ADAMTS17: variants seen among roughly 807,000 people sequenced by gnomAD.
ADAMTS17 encodes the protein ADAM metallopeptidase with thrombospondin type 1 motif 17.
ADAMTS17 carries 113 observed loss-of-function variants against 141.5 expected under a neutral mutation model. The observed-to-expected ratio is 0.80, with a 90% confidence interval of 0.69 to 0.93. The LOEUF is 0.93. Among genes scored for constraint, ADAMTS17 ranks in the 40% least tolerant of loss-of-function variants. The pLI, the probability that ADAMTS17 is intolerant of heterozygous loss-of-function variation, is 0.00. For missense variants in ADAMTS17, 1,659 were observed against 1,517.9 expected (o/e 1.09, Z -1.54); for synonymous variants, 768 against 630.6 (o/e 1.22, Z -3.27).
At chr15:100,199,562 G>A in intron 7 of ADAMTS17, 139 bp from the exon 8 acceptor site, 1 of 775,114 alleles carries the variant, frequency 1.3e-6, no homozygotes. Context: ...CAGCCCACCT[G>A]GGAAGGGTTT....
chr15:100,218,489 C>T (rs1344259234), intron 7 of ADAMTS17, among the ~76,000 whole-genome samples: 2 of 152,204 alleles, frequency 1.3e-5, no homozygotes, highest in Non-Finnish European at 2.9e-5. Context: ...ATATGTTCAA[C>T]ATCAGCCATT....
chr15:100,214,175 C>T (rs2041896836), intron 7 of ADAMTS17, among the ~76,000 whole-genome samples: 1 of 152,132 alleles, frequency 6.6e-6, no homozygotes, highest in Non-Finnish European at 1.5e-5. Context: ...TTTCCCCAAC[C>T]CCACCGTCTC....
At chr15:100,172,543 G>A (rs545823538) in intron 8 of ADAMTS17, among the ~76,000 whole-genome samples, 25 of 152,186 alleles carry the variant, frequency 1.6e-4, no homozygotes, top group African/African-American at 5.3e-4. Context: ...CACCTCCTCT[G>A]TCCTGATTCA....
intron 12 of ADAMTS17, 142 bp from the exon 13 acceptor site, chr15:100,117,155 C>T (rs1047305019): frequency 6.3e-6 from 6 of 949,360 alleles, no homozygotes; most frequent in Middle Eastern, 3.1e-4. Context: ...CTGTTACAGA[C>T]CAAATGCCCA....
intron 3 of ADAMTS17, among the ~76,000 whole-genome samples, chr15:100,308,451 C>T (rs1012669868): frequency 6.6e-6 from 1 of 152,190 alleles, no homozygotes; most frequent in Non-Finnish European, 1.5e-5. Flanking sequence ...GAGCAAAGTG[C>T]CCACGTCATT....
At chr15:99,976,428 T>C (rs1415647657) in intron 20 of ADAMTS17, 2 of 691,980 alleles carry the variant, frequency 2.9e-6, no homozygotes, top group Admixed American at 2.2e-5. Flanking sequence ...GCTGGGACGA[T>C]GGCCTCACAA....
intron 1 of ADAMTS17, 82 bp downstream of exon 1, chr15:100,341,739 G>C (rs1485202777): frequency 2.7e-6 from 4 of 1,481,368 alleles, no homozygotes; most frequent in Non-Finnish European, 3.6e-6. Flanking sequence ...CGCCGCCCCC[G>C]GGCCGCCAGG....
At chr15:100,060,045 G>A (rs2032993965) in intron 15 of ADAMTS17, among the ~76,000 whole-genome samples, 1 of 152,184 alleles carries the variant, frequency 6.6e-6, no homozygotes. Flanking sequence ...ACTCCATGGG[G>A]CAATTAAAAT....
chr15:100,251,234 C>A (rs2043144232), intron 7 of ADAMTS17, among the ~76,000 whole-genome samples: 1 of 152,166 alleles, frequency 6.6e-6, no homozygotes, highest in Non-Finnish European at 1.5e-5. Flanking sequence ...CCAGTCCCGA[C>A]CATTAAAAGA....
rs780526823 is a variant in ADAMTS17 at position 100,281,354 on chromosome 15, G to A, written c.664C>T (p.Arg222Trp). The stretch of plus-strand genomic sequence containing the variant: ...CTGGTGAGCCGGATAGCGTTCCTCC[G>A]CTCCCGCCAGTCCCGCGAAGGCCTG... ...WGRPSRDWRE[R>W]RNAIRLTSEH... The change falls in exon 4 of 22, where the codon CGG becomes TGG. Residue 222 changes from arginine to tryptophan, a missense_variant. Arg to Trp is a moderately radical substitution (Grantham distance 101). Transcript: ENST00000268070. The A allele has an allele frequency of 9.3e-6, 15 of 1,609,532 alleles. No homozygotes were observed. Among genetic ancestry groups the A allele is most frequent in the African/African-American group, 4.0e-5 (3 of 74,886 alleles).
chr15:100,159,341 G>A (rs77275256), intron 8 of ADAMTS17, among the ~76,000 whole-genome samples: 7,711 of 152,256 alleles, frequency 0.051, 251 homozygotes, highest in South Asian at 0.15. Flanking sequence ...AGGACTTTAT[G>A]TTAGGTGAAA....
intron 6 of ADAMTS17, among the ~76,000 whole-genome samples, chr15:100,256,101 GTTCCA>G (rs1314955015): frequency 1.3e-5 from 2 of 152,226 alleles, no homozygotes; most frequent in Admixed American, 1.3e-4. Flanking sequence ...ACCTGGCTCT[GTTCCA>G]TTCATTATCA....
intron 3 of ADAMTS17, among the ~76,000 whole-genome samples, chr15:100,296,116 G>A (rs762984445): frequency 2.0e-5 from 3 of 152,054 alleles, no homozygotes; most frequent in Non-Finnish European, 2.9e-5. Flanking sequence ...GGGTCAATGT[G>A]GGAAACGTAC....
At chr15:100,110,251 A>G (rs1183101087) in intron 13 of ADAMTS17, among the ~76,000 whole-genome samples, 1 of 144,998 alleles carries the variant, frequency 6.9e-6, no homozygotes, top group Admixed American at 7.0e-5. Context: ...ATATATATAT[A>G]AATACATATA....
At chr15:100,016,673 G>A (rs569942350) in intron 18 of ADAMTS17, among the ~76,000 whole-genome samples, 13 of 152,302 alleles carry the variant, frequency 8.5e-5, no homozygotes, top group African/African-American at 2.9e-4. Flanking sequence ...CCCGGCTCCA[G>A]GATGGTATTG....
At chr15:100,282,954 C>T (rs983648884) in intron 3 of ADAMTS17, among the ~76,000 whole-genome samples, 1 of 152,074 alleles carries the variant, frequency 6.6e-6, no homozygotes, top group Non-Finnish European at 1.5e-5. Flanking sequence ...TACTAAAACA[C>T]CTAGGAAGAA....
At chr15:100,098,809 CTCCAGACT>C (rs1239500624) in intron 14 of ADAMTS17, among the ~76,000 whole-genome samples, 1 of 152,234 alleles carries the variant, frequency 6.6e-6, no homozygotes, top group Non-Finnish European at 1.5e-5. Flanking sequence ...AGTGCATGGT[CTCCAGACT>C]TGCTTCTGCT....
At chr15:100,172,549 A>G in intron 8 of ADAMTS17, among the ~76,000 whole-genome samples, 1 of 152,058 alleles carries the variant, frequency 6.6e-6, no homozygotes. Flanking sequence ...CTCTGTCCTG[A>G]TTCATCCCAG....
At chr15:100,059,006 C>A (rs1448811843) in intron 15 of ADAMTS17, among the ~76,000 whole-genome samples, 3 of 152,130 alleles carry the variant, frequency 2.0e-5, no homozygotes, top group Non-Finnish European at 4.4e-5. Context: ...AGTGTAAATA[C>A]CCTCACCATG....
Sources: gnomAD v4.1 joint callset for allele counts (sites outside exome capture counted in the v4.1 genomes callset) on GRCh38, gnomAD v4.1.1 for gene constraint, MANE v1.5 for transcripts, NCBI Gene and HGNC (gene_info 2026-07-23, HGNC 2026-07-21) for gene names.